The following NCOA1 variants were observed in gnomAD, a reference collection of about 807,000 sequenced individuals.
The protein encoded by NCOA1 is nuclear receptor coactivator 1.
NCOA1 carries 35 observed loss-of-function variants against 150.9 expected under a neutral mutation model. The ratio of observed to expected loss-of-function variants is 0.23; its 90% CI spans 0.18 to 0.31. The LOEUF (loss-of-function observed/expected upper bound fraction) is 0.31, where lower values mean the gene tolerates loss of function less well. Ranked by LOEUF, NCOA1 falls within the 10% of genes least tolerant of loss-of-function variation. The pLI is 1.00. For missense variants in NCOA1, 1,491 were observed against 1,749.3 expected (o/e 0.85, Z 2.63); for synonymous variants, 590 against 630.0 (o/e 0.94, Z 0.95).
At chr2:24,733,695 G>C (rs1157403135) in intron 17 of NCOA1, among the ~76,000 whole-genome samples, 7 of 152,122 alleles carry the variant, frequency 4.6e-5, no homozygotes, top group African/African-American at 1.7e-4. Flanking sequence ...CATGAGCCAA[G>C]ATTGTGCCAC....
At chr2:24,713,591 T>C (rs1331585355) in intron 14 of NCOA1, among the ~76,000 whole-genome samples, 1 of 152,214 alleles carries the variant, frequency 6.6e-6, no homozygotes, top group Non-Finnish European at 1.5e-5. Flanking sequence ...TTGGCACTGG[T>C]CTAGTCCTCC....
chr2:24,668,408 A>G (rs1671529966), intron 6 of NCOA1, among the ~76,000 whole-genome samples: 1 of 152,022 alleles, frequency 6.6e-6, no homozygotes, highest in Admixed American at 6.6e-5. Context: ...AACACCAGGG[A>G]GATAAACAAG....
intron 1 of NCOA1, among the ~76,000 whole-genome samples, chr2:24,518,452 A>G (rs1664294878): frequency 6.6e-6 from 1 of 152,124 alleles, no homozygotes; most frequent in Non-Finnish European, 1.5e-5. Context: ...ATCTCTTCTT[A>G]CCACTTTTCT....
intron 1 of NCOA1, among the ~76,000 whole-genome samples, chr2:24,519,697 TAATTACTA>T (rs1664344982): frequency 6.7e-6 from 1 of 150,158 alleles, no homozygotes; most frequent in Non-Finnish European, 1.5e-5. Flanking sequence ...GGTGCATGCC[TAATTACTA>T]GTAGGCATAG....
chr2:24,686,639 TG>T (rs1362893887), intron 8 of NCOA1, among the ~76,000 whole-genome samples: 3 of 152,184 alleles, frequency 2.0e-5, no homozygotes, highest in African/African-American at 7.2e-5. Context: ...GTTGTCTTTT[TG>T]CATAAATATG....
intron 3 of NCOA1, among the ~76,000 whole-genome samples, chr2:24,637,202 A>G (rs1260069078): frequency 6.7e-6 from 1 of 148,330 alleles, no homozygotes; most frequent in East Asian, 2.0e-4. Flanking sequence ...ATTTAGCATT[A>G]GGTATATCTC....
chr2:24,681,383 A>G (rs776952038), intron 7 of NCOA1, among the ~76,000 whole-genome samples: 2 of 152,202 alleles, frequency 1.3e-5, no homozygotes, highest in South Asian at 2.1e-4. Context: ...TGAGAATCTA[A>G]TTGGAAGATT....
intron 1 of NCOA1, among the ~76,000 whole-genome samples, chr2:24,530,305 T>C (rs1266832303): frequency 1.3e-5 from 2 of 152,242 alleles, no homozygotes; most frequent in Non-Finnish European, 2.9e-5. Flanking sequence ...CGTTGGAATG[T>C]TTTAGTGAGA....
Position 24,752,106 on chromosome 2 carries a change from T to C in NCOA1, c.3831T>C (p.Tyr1277=), listed in dbSNP as rs55684998. 5.8e-4 allele frequency: 935 copies of C among 1,614,126 alleles called. 6 individuals are homozygous for C. The African/African-American group carries it at 0.012, about 20-fold the overall frequency. ...LLQQTPPASG[Y]QSPDMKAWQQ... is the part of the protein sequence containing the mutation. ...AGCAAACTCCACCTGCCTCCGGGTA[T>C]CAGTCACCAGACATGAAGGCCTGGC... Residue 1277 remains tyrosine (Y), a synonymous_variant, in exon 20 of 23, where the codon TAT becomes TAC. Transcript: ENST00000348332.
At chr2:24,767,200 C>T (rs1487045975) in intron 22 of NCOA1, among the ~76,000 whole-genome samples, 27 of 152,106 alleles carry the variant, frequency 1.8e-4, no homozygotes, top group Admixed American at 1.8e-3. Flanking sequence ...TTTTAAAAAG[C>T]TGAGTGTAAT....
At chr2:24,765,615 C>T (rs1665023196) in intron 22 of NCOA1, among the ~76,000 whole-genome samples, 4 of 152,080 alleles carry the variant, frequency 2.6e-5, no homozygotes, top group South Asian at 4.1e-4. Context: ...ACCCAAACAA[C>T]CATGTTTTAA....
intron 7 of NCOA1, among the ~76,000 whole-genome samples, chr2:24,677,981 C>T (rs975906067): frequency 3.3e-5 from 5 of 151,960 alleles, no homozygotes; most frequent in African/African-American, 1.2e-4. Context: ...CAACCCATCA[C>T]CTAGGTATTA....
At chr2:24,497,369 T>A (rs1439858755) in intron 1 of NCOA1, among the ~76,000 whole-genome samples, 2 of 152,098 alleles carry the variant, frequency 1.3e-5, no homozygotes, top group Admixed American at 1.3e-4. Flanking sequence ...AGTTACTTGA[T>A]GAAAATGTCA....
intron 17 of NCOA1, among the ~76,000 whole-genome samples, chr2:24,733,917 G>T (rs1663151867): frequency 6.6e-6 from 1 of 152,008 alleles, no homozygotes; most frequent in African/African-American, 2.4e-5. Flanking sequence ...AGGCACGGTG[G>T]CTCACGCCTG....
intron 3 of NCOA1, among the ~76,000 whole-genome samples, chr2:24,643,375 C>G (rs56030829): frequency 4.2e-4 from 64 of 152,244 alleles, no homozygotes; most frequent in African/African-American, 1.4e-3. Context: ...TTCTGTCTGC[C>G]TTGGTCACTT....
At chr2:24,503,389 T>G (rs1385680657) in intron 1 of NCOA1, among the ~76,000 whole-genome samples, 2 of 152,200 alleles carry the variant, frequency 1.3e-5, no homozygotes, top group Non-Finnish European at 2.9e-5. Flanking sequence ...TTAACAGTGA[T>G]GGGAACACTA....
At chr2:24,643,053 G>T (rs1370150474) in intron 3 of NCOA1, among the ~76,000 whole-genome samples, 1 of 152,190 alleles carries the variant, frequency 6.6e-6, no homozygotes, top group African/African-American at 2.4e-5. Flanking sequence ...GTAGTTATAT[G>T]TATCTGTACA....
chr2:24,495,059 G>C (rs13035764), intron 1 of NCOA1, among the ~76,000 whole-genome samples: 59,702 of 143,454 alleles, frequency 0.42, 14,133 homozygotes, highest in East Asian at 0.75. Context: ...AGGTACCAAT[G>C]TTGGTTGCTT....
At chr2:24,575,345 T>G (rs182381709) in intron 2 of NCOA1, among the ~76,000 whole-genome samples, 2 of 152,296 alleles carry the variant, frequency 1.3e-5, no homozygotes, top group Admixed American at 1.3e-4. Context: ...CATTTCTGTG[T>G]TCAACACTTC....
Sources: allele counts gnomAD v4.1 joint callset (sites outside exome capture counted in the v4.1 genomes callset), GRCh38; gene constraint gnomAD v4.1.1; transcripts MANE v1.5; gene names NCBI Gene and HGNC (gene_info 2026-07-23, HGNC 2026-07-21).